The following COLGALT2 variants were observed in gnomAD, a reference collection of about 807,000 sequenced individuals.
The protein encoded by COLGALT2 is procollagen galactosyltransferase 2.
COLGALT2 carries 49 observed loss-of-function variants against 73.4 expected under a neutral mutation model. That is an observed-to-expected ratio of 0.67 (90% CI 0.53 to 0.85). The LOEUF is 0.85. Among genes scored for constraint, COLGALT2 ranks in the 40% least tolerant of loss-of-function variants. The pLI is 0.00. For synonymous variants in COLGALT2, 295 were observed against 307.6 expected, an observed-to-expected ratio of 0.96 and a Z score of 0.43; for missense variants, 722 against 790.2, an observed-to-expected ratio of 0.91 and a Z score of 1.03.
intron 4 of COLGALT2, among the ~76,000 whole-genome samples, chr1:183,970,792 T>C (rs724426): frequency 0.6 from 90,772 of 152,034 alleles, 27,326 homozygotes; most frequent in East Asian, 0.85. Flanking sequence ...GAACTGCAAT[T>C]CATTATATGA....
At chr1:183,955,046 T>C (rs903001654) in intron 6 of COLGALT2, among the ~76,000 whole-genome samples, 1 of 152,180 alleles carries the variant, frequency 6.6e-6, no homozygotes, top group Non-Finnish European at 1.5e-5. Context: ...TATATGGAGA[T>C]TGCAACATTT....
intron 1 of COLGALT2, among the ~76,000 whole-genome samples, chr1:183,992,185 T>A (rs578032964): frequency 1.3e-5 from 2 of 152,056 alleles, no homozygotes; most frequent in Non-Finnish European, 2.9e-5. Flanking sequence ...AGGAGGAAAA[T>A]CAGGTCCAGA....
chr1:183,961,347 G>A (rs1214819442), intron 6 of COLGALT2, among the ~76,000 whole-genome samples: 2 of 151,704 alleles, frequency 1.3e-5, no homozygotes, highest in Non-Finnish European at 1.5e-5. Flanking sequence ...GCATTTCTGT[G>A]TACTGAGAGC....
Position 183,938,342 on chromosome 1 carries a change from C to CT in COLGALT2, c.*418dup. 9.9e-7 allele frequency: 1 copy of CT among 1,008,302 alleles called. No homozygotes were observed. The highest frequency in any genetic ancestry group is 4.2e-5 in the South Asian group (1 of 23,544). 62.5% of individuals were successfully genotyped at this position (1,008,302 alleles called of 1,614,324 possible). Reference sequence around the variant, plus strand: ...TTCAATGTCATATAAAACGGACAAACTAGACCAATAAGTGTGGTCTAGTTG... The same window carrying CT: ...TTCAATGTCATATAAAACGGACAAACTTAGACCAATAAGTGTGGTCTAGTTG... On this transcript the variant is annotated 3_prime_UTR_variant, in exon 12 of 12. Transcript: ENST00000361927.
At chr1:184,016,411 A>G (rs1351604171) in intron 1 of COLGALT2, among the ~76,000 whole-genome samples, 3 of 152,266 alleles carry the variant, frequency 2.0e-5, no homozygotes, top group African/African-American at 7.2e-5. Flanking sequence ...GCGAGATTTC[A>G]GTGTTAAGGC....
At chr1:183,986,620 T>C (rs983710428) in intron 1 of COLGALT2, among the ~76,000 whole-genome samples, 2 of 152,192 alleles carry the variant, frequency 1.3e-5, no homozygotes, top group African/African-American at 4.8e-5. Flanking sequence ...ATAAAATTAA[T>C]AAACTTAATT....
At chr1:183,954,953 G>A in intron 6 of COLGALT2, 115 bp from the exon 7 acceptor site, 1 of 775,260 alleles carries the variant, frequency 1.3e-6, no homozygotes, top group South Asian at 1.6e-5. Context: ...TACAGGGCAG[G>A]GGACAATGGC....
At chr1:183,949,194 A>C (rs573124179) in intron 8 of COLGALT2, among the ~76,000 whole-genome samples, 1 of 152,306 alleles carries the variant, frequency 6.6e-6, no homozygotes, top group Non-Finnish European at 1.5e-5. Context: ...TCCTATCAAA[A>C]TCCCAGCTGC....
Position 183,945,417 on chromosome 1 carries a change from T to G in COLGALT2, c.1269+15A>C. On this transcript the variant is annotated intron_variant, in intron 9 of 11. Transcript: ENST00000361927. ...CCTCATCATAAAACTGCAATCTGAA[T>G]AAAGCATTATTTACCTCTTTCCAGA... 1.9e-6 allele frequency: 3 copies of G among 1,612,972 alleles called. No individual in the cohort carries two copies. Among genetic ancestry groups the G allele is most frequent in the Non-Finnish European group, 2.5e-6 (3 of 1,179,708 alleles).
intron 1 of COLGALT2, among the ~76,000 whole-genome samples, chr1:183,994,890 T>A (rs1358194391): frequency 6.6e-6 from 1 of 152,154 alleles, no homozygotes; most frequent in African/African-American, 2.4e-5. Context: ...TTTTTAAAAA[T>A]AGAAAATAAA....
At position 183,937,921 on chromosome 1, in the gene COLGALT2, A is replaced by C. The variant is rs1670002965; in HGVS notation, c.*840T>G. On this transcript the variant is annotated 3_prime_UTR_variant, in exon 12 of 12. Transcript: ENST00000361927. ...GCGTGAAGCTCTGTAGCAGCGCGCAAACCCGGGACAGGGCAGGATGCACAG... is the reference window on the plus strand; with the variant it reads ...GCGTGAAGCTCTGTAGCAGCGCGCACACCCGGGACAGGGCAGGATGCACAG... 1.0e-6 allele frequency: 1 copy of C among 985,424 alleles called. No individual in the cohort carries two copies. The highest frequency in any genetic ancestry group is 1.2e-6 in the Non-Finnish European group (1 of 829,942). 61.0% of individuals were successfully genotyped at this position (985,424 alleles called of 1,614,324 possible). A position where few individuals can be genotyped will look rare whatever the true frequency, so the allele number is the denominator to read the frequency against.
downstream of COLGALT2, chr1:183,935,695 C>T (rs1669933123): frequency 1.6e-5 from 4 of 242,500 alleles, no homozygotes; most frequent in Admixed American, 6.5e-5. Context: ...CAGCAACCAC[C>T]CTCCCCTCAT....
At chr1:184,000,599 G>A in intron 1 of COLGALT2, among the ~76,000 whole-genome samples, 1 of 151,710 alleles carries the variant, frequency 6.6e-6, no homozygotes, top group Non-Finnish European at 1.5e-5. Flanking sequence ...ATTAATTTAA[G>A]ATCCACCCAC....
At chr1:184,011,764 C>A (rs74130991) in intron 1 of COLGALT2, among the ~76,000 whole-genome samples, 5,846 of 152,238 alleles carry the variant, frequency 0.038, 371 homozygotes, top group African/African-American at 0.13. Flanking sequence ...ATATGTAAAA[C>A]CTACATGTGA....
chr1:183,941,648 G>A (rs140658274), intron 10 of COLGALT2, among the ~76,000 whole-genome samples: 179 of 152,234 alleles, frequency 1.2e-3, no homozygotes, highest in African/African-American at 4.2e-3. Context: ...AACATTCAAG[G>A]GATTCCCCCT....
At chr1:183,930,569 C>CTTTTTTTTTTTTTTTTT (rs397861890) in intron 11 of COLGALT2, among the ~76,000 whole-genome samples, 22 of 114,074 alleles carry the variant, frequency 1.9e-4, no homozygotes, top group Non-Finnish European at 3.1e-4. Flanking sequence ...TTTTCTTTTT[C>CTTTTTTTTTTTTTTTTT]TTTTTTTTTT....
intron 1 of COLGALT2, among the ~76,000 whole-genome samples, chr1:184,017,902 G>C (rs1343773297): frequency 6.6e-6 from 1 of 152,234 alleles, no homozygotes; most frequent in East Asian, 1.9e-4. Flanking sequence ...GTTTCACAGG[G>C]CTGTTGTGAG....
chr1:183,950,997 C>A lies in COLGALT2; in HGVS notation c.1136+10G>T. The A allele has an allele frequency of 6.2e-7, 1 of 1,602,066 alleles. No individual in the cohort carries two copies. Among genetic ancestry groups the A allele is most frequent in the Non-Finnish European group, 8.6e-7 (1 of 1,169,238 alleles). On this transcript the variant is annotated intron_variant, in intron 8 of 11. Transcript: ENST00000361927. Reference sequence around the variant, plus strand: ...ATCACATCTGCAATGGGAGAAGAAACCCAACTCACTTTCCATCCACAGCCT... The same window carrying A: ...ATCACATCTGCAATGGGAGAAGAAAACCAACTCACTTTCCATCCACAGCCT...
intron 4 of COLGALT2, among the ~76,000 whole-genome samples, chr1:183,972,119 T>G (rs1671053923): frequency 6.6e-6 from 1 of 152,198 alleles, no homozygotes; most frequent in Admixed American, 6.5e-5. Flanking sequence ...ACATACTCCC[T>G]CTTTTTTTGA....
Sources: gnomAD v4.1 joint callset for allele counts (sites outside exome capture counted in the v4.1 genomes callset) on GRCh38, gnomAD v4.1.1 for gene constraint, MANE v1.5 for transcripts, NCBI Gene and HGNC (gene_info 2026-07-23, HGNC 2026-07-21) for gene names.